Variants in SLC28A1 observed in about 807,000 individuals in gnomAD.
SLC28A1 encodes solute carrier family 28 member 1.
Under a neutral mutation model 74.8 loss-of-function variants are expected in SLC28A1, and 64 were observed. The ratio of observed to expected loss-of-function variants is 0.86; its 90% CI spans 0.70 to 1.05. The LOEUF is 1.05. Among genes scored for constraint, SLC28A1 ranks in the 50% least tolerant of loss-of-function variants. SLC28A1 has a pLI of 0.00. For missense variants in SLC28A1, 828 were observed against 822.8 expected (o/e 1.01, Z -0.08); for synonymous variants, 359 against 335.0 (o/e 1.07, Z -0.78).
chr15:84,924,033 T>C lies in SLC28A1; in HGVS notation c.1006T>C (p.Ser336Pro). 6.2e-7 allele frequency: 1 copy of C among 1,614,024 alleles called. No homozygotes were observed. The highest frequency in any genetic ancestry group is 8.5e-7 in the Non-Finnish European group (1 of 1,180,002). Residue 336 changes from serine (S) to proline (P), a missense_variant, in exon 12 of 19, where the codon TCT becomes CCT. Ser to Pro is a moderately conservative substitution (Grantham distance 74, BLOSUM62 -1). Transcript: ENST00000394573. Reference sequence around the variant, plus strand: ...GCCCTACTTGGCAGACATGACACTCTCTGAAGTCCACGTTGTCATGACCGG... The same window carrying C: ...GCCCTACTTGGCAGACATGACACTCCCTGAAGTCCACGTTGTCATGACCGG... The part of the protein sequence containing the change: ...IRPYLADMTL[S>P]EVHVVMTGGY...
chr15:84,947,721 A>G (rs78639736), downstream of SLC28A1, among the ~76,000 whole-genome samples: 3 of 152,266 alleles, frequency 2.0e-5, no homozygotes, highest in Non-Finnish European at 2.9e-5. Context: ...GGCCTCTTGC[A>G]TAAGGACACT....
intron 6 of SLC28A1, 41 bp from the exon 7 acceptor site, chr15:84,904,056 T>C (rs774426371): frequency 1.9e-6 from 3 of 1,613,710 alleles, no homozygotes; most frequent in Admixed American, 3.3e-5. Context: ...GGGGTGGGGG[T>C]GCAATGCTGA....
intron 12 of SLC28A1, 28 bp from the exon 13 acceptor site, chr15:84,933,117 C>T (rs1567178123): frequency 1.2e-6 from 2 of 1,611,536 alleles, no homozygotes; most frequent in East Asian, 2.2e-5. Context: ...TGACTGTCCA[C>T]CTAGAACCTG....
intron 5 of SLC28A1, among the ~76,000 whole-genome samples, chr15:84,893,958 T>C (rs984628365): frequency 1.3e-5 from 2 of 152,228 alleles, no homozygotes; most frequent in Non-Finnish European, 1.5e-5. Context: ...GTCCTTGTTA[T>C]TGCCTGTACC....
Position 84,918,652 on chromosome 15 carries a change from C to T in SLC28A1, c.876+48C>T, listed in dbSNP as rs774154707. 6 of 1,388,940 alleles carry T rather than the reference C, an allele frequency of 4.3e-6. No homozygotes were observed. In the South Asian group the frequency reaches 4.6e-5, roughly 11 times the overall value. 86.0% of individuals were successfully genotyped at this position (1,388,940 alleles called of 1,614,324 possible). A position where few individuals can be genotyped will look rare whatever the true frequency, so the allele number is the denominator to read the frequency against. On this transcript the variant is annotated intron_variant, in intron 10 of 18. Transcript: ENST00000394573. ...CAGGGCTCTCCCAGAGTCACCAGCT[C>T]ACAGGGTTCACACTGTCCCAGAATG... is the stretch of plus-strand genomic sequence containing the variant.
At position 84,927,313 on chromosome 15, in the gene SLC28A1, A is replaced by C. The variant is rs184292305; in HGVS notation, c.1083+3203A>C. ...GCACACAAATTTATTTAATGCATAC[A>C]CACGGGGGCCTTCAGAAGGAAGACC... is the stretch of plus-strand genomic sequence containing the variant. On this transcript the variant is annotated intron_variant, in intron 12 of 18. Transcript: ENST00000394573. 2.0e-5 allele frequency among the ~76,000 whole-genome samples: 3 copies of C among 152,218 alleles called. No individual in the cohort carries two copies. The South Asian group carries it at 6.2e-4, about 32-fold the overall frequency.
chr15:84,941,731 G>A (rs1382259564), intron 15 of SLC28A1, among the ~76,000 whole-genome samples: 2 of 152,032 alleles, frequency 1.3e-5, no homozygotes, highest in Non-Finnish European at 2.9e-5. Context: ...ACTTAGCCAG[G>A]TGTGGTAACA....
At chr15:84,961,177 A>G in the SLC28A1 span, among the ~76,000 whole-genome samples, 1 of 152,164 alleles carries the variant, frequency 6.6e-6, no homozygotes, top group Non-Finnish European at 1.5e-5. Flanking sequence ...TCTGAATGCA[A>G]GGCCGTGCTC....
intron 7 of SLC28A1, 49 bp from the exon 8 acceptor site, chr15:84,905,490 C>A: frequency 7.5e-7 from 1 of 1,330,992 alleles, no homozygotes; most frequent in South Asian, 1.2e-5. Flanking sequence ...CGGCTCCCTG[C>A]CCATCCCTCA....
At chr15:84,911,148 C>T (rs768312799) in intron 9 of SLC28A1, among the ~76,000 whole-genome samples, 2 of 152,256 alleles carry the variant, frequency 1.3e-5, no homozygotes, top group Admixed American at 1.3e-4. Context: ...CCACCACTGG[C>T]CCGCGTCTCT....
At chr15:84,917,191 A>G (rs940987804) in intron 9 of SLC28A1, among the ~76,000 whole-genome samples, 5 of 152,314 alleles carry the variant, frequency 3.3e-5, no homozygotes, top group African/African-American at 7.2e-5. Context: ...CCCATTTAAC[A>G]TTGTAGCATA....
intron 12 of SLC28A1, chr15:84,926,649 C>T: frequency 2.4e-6 from 1 of 414,160 alleles, no homozygotes; most frequent in Non-Finnish European, 4.8e-6. Flanking sequence ...GCAGTACAGT[C>T]ATAAGCTGGG....
At chr15:84,961,390 G>C in the SLC28A1 span, 1 of 369,836 alleles carries the variant, frequency 2.7e-6, no homozygotes, top group Non-Finnish European at 5.2e-6. Context: ...GGGGTACAGT[G>C]ATATAATCAT....
At chr15:84,939,109 C>G (rs1221253481) in intron 15 of SLC28A1, among the ~76,000 whole-genome samples, 2 of 152,146 alleles carry the variant, frequency 1.3e-5, no homozygotes, top group South Asian at 4.1e-4. Context: ...CACTTAAGAC[C>G]AGGAGTTCAA....
intron 2 of SLC28A1, chr15:84,887,456 G>A: frequency 2.0e-6 from 2 of 978,886 alleles, no homozygotes; most frequent in Non-Finnish European, 2.4e-6. Flanking sequence ...GGCTGAGGTG[G>A]GAGGACTGCT....
chr15:84,912,797 T>TGCGCGCGCGTGCGC (rs1555449052), intron 9 of SLC28A1, among the ~76,000 whole-genome samples: 2 of 118,174 alleles, frequency 1.7e-5, no homozygotes, highest in African/African-American at 6.6e-5. Flanking sequence ...TGCCAAATTT[T>TGCGCGCGCGTGCGC]GCGCGCGCGC....
chr15:84,963,830 C>T, the SLC28A1 span, among the ~76,000 whole-genome samples: 1 of 152,182 alleles, frequency 6.6e-6, no homozygotes, highest in Non-Finnish European at 1.5e-5. Flanking sequence ...TGATGACCCC[C>T]TATTTCACCT....
intron 13 of SLC28A1, among the ~76,000 whole-genome samples, chr15:84,934,413 C>T (rs913505150): frequency 5.3e-5 from 8 of 152,182 alleles, no homozygotes; most frequent in Admixed American, 1.3e-4. Context: ...TCTTTGATTT[C>T]ACTCACCTCC....
At chr15:84,921,280 A>G (rs16974622) in intron 11 of SLC28A1, among the ~76,000 whole-genome samples, 14,500 of 151,892 alleles carry the variant, frequency 0.095, 1,512 homozygotes, top group East Asian at 0.51. Flanking sequence ...TTCTCTTACC[A>G]CTCTAGCCCT....
Sources: gnomAD v4.1 joint callset for allele counts (sites outside exome capture counted in the v4.1 genomes callset) on GRCh38, gnomAD v4.1.1 for gene constraint, MANE v1.5 for transcripts, NCBI Gene and HGNC (gene_info 2026-07-23, HGNC 2026-07-21) for gene names.